The following GRIN2B variants were observed in gnomAD, a reference collection of about 807,000 sequenced individuals.
The protein encoded by GRIN2B is glutamate ionotropic receptor NMDA type subunit 2B.
A neutral mutation model predicts 114.5 loss-of-function variants in GRIN2B; 5 were observed. The observed-to-expected ratio is 0.04, with a 90% CI of 0.02 to 0.09. GRIN2B has a LOEUF of 0.09. Ranked by LOEUF, GRIN2B falls within the 10% of genes least tolerant of loss-of-function variation. The pLI is 1.00. For missense variants in GRIN2B, 1,108 were observed against 1,943.5 expected, an observed-to-expected ratio of 0.57 and a Z score of 8.08; for synonymous variants, 787 against 745.1, an observed-to-expected ratio of 1.06 and a Z score of -0.92.
chr12:13,839,981 A>G (rs1282683202), intron 3 of GRIN2B, among the ~76,000 whole-genome samples: 2 of 152,206 alleles, frequency 1.3e-5, no homozygotes, highest in African/African-American at 4.8e-5. Context: ...TTATACGTGA[A>G]TCTTTTGGAA....
At chr12:13,729,531 G>A (rs11613156) in intron 4 of GRIN2B, among the ~76,000 whole-genome samples, 17,434 of 152,146 alleles carry the variant, frequency 0.11, 1,256 homozygotes, top group Non-Finnish European at 0.16. Context: ...TAGGGAGAAA[G>A]CTTGGGGAAG....
At chr12:13,673,236 A>G (rs1950039839) in intron 5 of GRIN2B, among the ~76,000 whole-genome samples, 1 of 152,198 alleles carries the variant, frequency 6.6e-6, no homozygotes, top group South Asian at 2.1e-4. Context: ...TGGATAATTC[A>G]TTCTAGGAAG....
intron 4 of GRIN2B, among the ~76,000 whole-genome samples, chr12:13,695,007 A>C (rs1591681112): frequency 1.3e-5 from 2 of 152,086 alleles, no homozygotes; most frequent in East Asian, 3.9e-4. Context: ...TGAAGAATTA[A>C]GAGGATTTAA....
At chr12:13,712,881 G>A (rs1029162695) in intron 4 of GRIN2B, among the ~76,000 whole-genome samples, 1 of 151,840 alleles carries the variant, frequency 6.6e-6, no homozygotes, top group Non-Finnish European at 1.5e-5. Context: ...TTCTCTTGGT[G>A]TTAATTTATA....
chr12:13,847,527 G>A lies in GRIN2B; in HGVS notation c.411+18271C>T, dbSNP rs149426117. ...CAGGTCCAAAGGTAGGCTACAGAGGGGCCTCAGCACTGACAGGATGAAGCA... is the reference window on the plus strand; with the variant it reads ...CAGGTCCAAAGGTAGGCTACAGAGGAGCCTCAGCACTGACAGGATGAAGCA... On this transcript the variant is annotated intron_variant, in intron 3 of 13. Coordinates refer to ENST00000609686, the MANE Select transcript of GRIN2B (RefSeq NM_000834.5). Among the ~76,000 whole-genome samples the A allele has an allele frequency of 1.8e-3, 270 of 152,218 alleles. 1 individual carries two copies. The highest frequency in any genetic ancestry group is 0.017 in the Middle Eastern group (5 of 294).
intron 5 of GRIN2B, among the ~76,000 whole-genome samples, chr12:13,658,254 G>C (rs1282965487): frequency 6.7e-6 from 1 of 149,828 alleles, no homozygotes; most frequent in Non-Finnish European, 1.5e-5. Context: ...ATAATATAAA[G>C]ATAAAAGGAC....
intron 3 of GRIN2B, among the ~76,000 whole-genome samples, chr12:13,807,748 G>C: frequency 8.9e-6 from 1 of 112,842 alleles, no homozygotes; most frequent in Admixed American, 1.2e-4. Context: ...AGTCAGGCAA[G>C]TCACAGGAAA....
chr12:13,782,564 A>T (rs1864137951), intron 3 of GRIN2B, among the ~76,000 whole-genome samples: 1 of 152,224 alleles, frequency 6.6e-6, no homozygotes, highest in Non-Finnish European at 1.5e-5. Flanking sequence ...ATTCTAGATT[A>T]TCTCTCAGCT....
chr12:13,690,487 A>T (rs1432987520), intron 4 of GRIN2B, among the ~76,000 whole-genome samples: 1 of 152,178 alleles, frequency 6.6e-6, no homozygotes, highest in Admixed American at 6.5e-5. Flanking sequence ...AGAATATATT[A>T]TCTATAATCT....
chr12:13,803,922 A>G (rs978092893), intron 3 of GRIN2B, among the ~76,000 whole-genome samples: 2 of 152,190 alleles, frequency 1.3e-5, no homozygotes, highest in Non-Finnish European at 2.9e-5. Flanking sequence ...CCAACCAGCC[A>G]TTTTATGCCC....
At chr12:13,678,880 C>T (rs866105825) in intron 4 of GRIN2B, among the ~76,000 whole-genome samples, 6 of 151,794 alleles carry the variant, frequency 4.0e-5, no homozygotes, top group South Asian at 2.1e-4. Flanking sequence ...ATTCTTACTA[C>T]AAAGACCCTG....
chr12:13,876,983 G>A (rs988776757), intron 2 of GRIN2B, among the ~76,000 whole-genome samples: 1 of 152,050 alleles, frequency 6.6e-6, no homozygotes, highest in African/African-American at 2.4e-5. Context: ...ATTTCTCAAG[G>A]GTTATTATAA....
rs920742823 is a variant in GRIN2B, at chr12:13,550,007, C to T, written c.*12776G>A. On this transcript the variant is annotated 3_prime_UTR_variant, in exon 14 of 14. Transcript: ENST00000609686. ...AGGCAGCATTACTCGCTGAGCTAGA[C>T]TGAGAGTTAGAAATTTGGACAAGTT... 7 of 152,140 alleles carry T rather than the reference C, an allele frequency of 4.6e-5. No individual in the cohort carries two copies. Among genetic ancestry groups the T allele is most frequent in the African/African-American group, 2.4e-5 (1 of 41,440 alleles). 9.4% of individuals were successfully genotyped at this position (152,140 alleles called of 1,614,324 possible). A position where few individuals can be genotyped will look rare whatever the true frequency, so the allele number is the denominator to read the frequency against.
At chr12:13,810,039 G>C (rs1315944055) in intron 3 of GRIN2B, among the ~76,000 whole-genome samples, 2 of 152,054 alleles carry the variant, frequency 1.3e-5, no homozygotes, top group African/African-American at 4.8e-5. Context: ...TCTGAACCCA[G>C]AGAGCTCCCC....
chr12:13,618,797 C>A (rs1949479174), intron 5 of GRIN2B, among the ~76,000 whole-genome samples: 4 of 152,178 alleles, frequency 2.6e-5, no homozygotes, highest in Admixed American at 2.6e-4. Flanking sequence ...TAAGAGCTAA[C>A]ATGGATTAAT....
At chr12:13,712,975 C>T (rs1278299984) in intron 4 of GRIN2B, among the ~76,000 whole-genome samples, 2 of 151,714 alleles carry the variant, frequency 1.3e-5, no homozygotes, top group Admixed American at 6.6e-5. Flanking sequence ...CTATATACAA[C>T]GCAAGGTGCT....
At chr12:13,803,162 T>A (rs1490180011) in intron 3 of GRIN2B, among the ~76,000 whole-genome samples, 1 of 152,184 alleles carries the variant, frequency 6.6e-6, no homozygotes, top group Non-Finnish European at 1.5e-5. Flanking sequence ...AGTATAATAA[T>A]GTATGCAGCA....
chr12:13,596,394 G>C (rs752700510), intron 10 of GRIN2B, among the ~76,000 whole-genome samples: 5 of 152,188 alleles, frequency 3.3e-5, no homozygotes, highest in Non-Finnish European at 7.3e-5. Context: ...TACCAAGGTG[G>C]TTTATAGCCT....
intron 5 of GRIN2B, among the ~76,000 whole-genome samples, chr12:13,635,809 C>A (rs1302947884): frequency 6.6e-6 from 1 of 152,074 alleles, no homozygotes; most frequent in African/African-American, 2.4e-5. Flanking sequence ...TGATGGAGAC[C>A]TAAGCTTAGG....
Sources: gnomAD v4.1 joint callset for allele counts (sites outside exome capture counted in the v4.1 genomes callset) on GRCh38, gnomAD v4.1.1 for gene constraint, MANE v1.5 for transcripts, NCBI Gene and HGNC (gene_info 2026-07-23, HGNC 2026-07-21) for gene names.